The following MBNL2 variants were observed in gnomAD, a reference collection of about 807,000 sequenced individuals.
MBNL2 encodes the protein muscleblind-like protein 2.
In MBNL2, 17 loss-of-function variants were observed where a neutral mutation model predicts 41.9. The observed-to-expected ratio is 0.41, with a 90% CI of 0.28 to 0.61. The LOEUF is 0.61. Among genes scored for constraint, MBNL2 ranks in the 20% least tolerant of loss-of-function variants. The pLI is 0.35. For missense variants in MBNL2, 336 were observed against 505.6 expected, an observed-to-expected ratio of 0.66 and a Z score of 3.22; for synonymous variants, 195 against 182.9, an observed-to-expected ratio of 1.07 and a Z score of -0.53.
chr13:97,267,134 C>A (rs1229033898), intron 1 of MBNL2, among the ~76,000 whole-genome samples: 1 of 152,168 alleles, frequency 6.6e-6, no homozygotes, highest in Admixed American at 6.5e-5. Flanking sequence ...ACGGAGGAGA[C>A]ACCTGGGGTC....
At chr13:97,179,705 A>G in the MBNL2 span, 1 of 152,168 alleles carries the variant, frequency 6.6e-6, no homozygotes, top group Non-Finnish European at 1.5e-5. Context: ...TCCAACTCCT[A>G]AGAATGCTGC....
intron 2 of MBNL2, among the ~76,000 whole-genome samples, chr13:97,280,176 AAAC>A (rs1392644514): frequency 6.6e-6 from 1 of 152,196 alleles, no homozygotes; most frequent in Non-Finnish European, 1.5e-5. Flanking sequence ...ACGATCCATG[AAAC>A]GCTTTCCCTC....
chr13:97,338,786 G>A (rs913569107), intron 3 of MBNL2, among the ~76,000 whole-genome samples: 1 of 152,218 alleles, frequency 6.6e-6, no homozygotes, highest in South Asian at 2.1e-4. Flanking sequence ...GGCAGTAGAG[G>A]GAGGAGGCTT....
the MBNL2 span, among the ~76,000 whole-genome samples, chr13:97,160,093 T>C: frequency 1.3e-5 from 2 of 152,232 alleles, no homozygotes; most frequent in African/African-American, 4.8e-5. Context: ...GCTTTGCTCG[T>C]TTCTTTTTAT....
intron 3 of MBNL2, among the ~76,000 whole-genome samples, chr13:97,336,664 A>C (rs1270874225): frequency 6.6e-6 from 1 of 152,160 alleles, no homozygotes; most frequent in African/African-American, 2.4e-5. Context: ...CTCTGGAGGG[A>C]GGGCAGTCCT....
the MBNL2 span, among the ~76,000 whole-genome samples, chr13:97,195,621 A>G: frequency 6.6e-6 from 1 of 152,202 alleles, no homozygotes; most frequent in African/African-American, 2.4e-5. Context: ...AATATGGCAT[A>G]TAGGGTGAAT....
intron 8 of MBNL2, among the ~76,000 whole-genome samples, chr13:97,381,608 ATTTCT>A (rs1476877851): frequency 6.6e-6 from 1 of 151,868 alleles, no homozygotes; most frequent in African/African-American, 2.4e-5. Flanking sequence ...TGCTTTTGAA[ATTTCT>A]TTTCTGTTGC....
chr13:97,159,910 G>A, the MBNL2 span, among the ~76,000 whole-genome samples: 28 of 151,746 alleles, frequency 1.8e-4, no homozygotes, highest in Admixed American at 3.9e-4. Flanking sequence ...TCTTTGTGGC[G>A]TTCTCTGTAT....
intron 1 of MBNL2, among the ~76,000 whole-genome samples, chr13:97,269,689 A>T (rs1296047025): frequency 2.0e-5 from 3 of 152,158 alleles, no homozygotes; most frequent in Non-Finnish European, 4.4e-5. Flanking sequence ...TTGTAGTGAC[A>T]CTTGGAAAAA....
intron 2 of MBNL2, among the ~76,000 whole-genome samples, chr13:97,287,939 G>GTTTTTTTTTT: frequency 8.8e-6 from 1 of 114,100 alleles, no homozygotes; most frequent in Non-Finnish European, 1.7e-5. Flanking sequence ...GTTTTGTTTT[G>GTTTTTTTTTT]TTTTTTTTTT....
At chr13:97,215,460 C>A in the MBNL2 span, among the ~76,000 whole-genome samples, 1 of 152,126 alleles carries the variant, frequency 6.6e-6, no homozygotes, top group African/African-American at 2.4e-5. Flanking sequence ...TTGATGGTAA[C>A]ATATATCTTT....
chr13:97,218,440 C>CAAAA (rs372883729), upstream of MBNL2, among the ~76,000 whole-genome samples: 27 of 117,946 alleles, frequency 2.3e-4, no homozygotes, highest in South Asian at 5.3e-4. Context: ...CAAAACAAAA[C>CAAAA]AAAAAAAAAA....
chr13:97,253,100 T>C (rs562996296), intron 1 of MBNL2, among the ~76,000 whole-genome samples: 1 of 152,206 alleles, frequency 6.6e-6, no homozygotes, highest in Non-Finnish European at 1.5e-5. Context: ...CTCATAAATA[T>C]CAGTTTTATG....
chr13:97,310,209 G>A (rs1442835241), intron 2 of MBNL2, among the ~76,000 whole-genome samples: 1 of 152,146 alleles, frequency 6.6e-6, no homozygotes, highest in Non-Finnish European at 1.5e-5. Context: ...AAAGAGTCGT[G>A]TGATCCCAGA....
intron 8 of MBNL2, among the ~76,000 whole-genome samples, chr13:97,372,741 C>T (rs2064507694): frequency 6.6e-6 from 1 of 152,132 alleles, no homozygotes. Flanking sequence ...TGTTTCTCAC[C>T]TATAAACATG....
chr13:97,227,741 C>T (rs977954457), intron 1 of MBNL2, among the ~76,000 whole-genome samples: 1 of 152,128 alleles, frequency 6.6e-6, no homozygotes, highest in South Asian at 2.1e-4. Context: ...ACATGCTTGT[C>T]CCCAAATGCC....
the MBNL2 span, among the ~76,000 whole-genome samples, chr13:97,196,375 A>C: frequency 6.6e-6 from 1 of 152,218 alleles, no homozygotes; most frequent in African/African-American, 2.4e-5. Flanking sequence ...AAAATTATTT[A>C]GCACTCCTTT....
At chr13:97,352,462 G>A (rs954001052) in intron 5 of MBNL2, among the ~76,000 whole-genome samples, 6 of 152,122 alleles carry the variant, frequency 3.9e-5, no homozygotes, top group African/African-American at 1.4e-4. Flanking sequence ...GGAGAGAGAG[G>A]GGTGATAGCC....
At chr13:97,236,656 C>T (rs1461907459) in intron 1 of MBNL2, among the ~76,000 whole-genome samples, 1 of 152,014 alleles carries the variant, frequency 6.6e-6, no homozygotes, top group African/African-American at 2.4e-5. Flanking sequence ...ATTCATTTCT[C>T]TCTTCTGGAA....
Sources: allele counts gnomAD v4.1 joint callset (sites outside exome capture counted in the v4.1 genomes callset), GRCh38; gene constraint gnomAD v4.1.1; transcripts MANE v1.5; gene names NCBI Gene and HGNC (gene_info 2026-07-23, HGNC 2026-07-21).